UBR3: variants seen among roughly 807,000 people sequenced by gnomAD.
The protein encoded by UBR3 is ubiquitin protein ligase E3 component n-recognin 3.
UBR3 carries 85 observed loss-of-function variants against 243.2 expected under a neutral mutation model. The ratio of observed to expected loss-of-function variants is 0.35; its 90% confidence interval spans 0.29 to 0.42. UBR3 has a LOEUF of 0.42. Among genes scored for constraint, UBR3 ranks in the 10% least tolerant of loss-of-function variants. The probability of loss-of-function intolerance (pLI) is 1.00; values close to 1 mark genes in which losing one functional copy is unlikely to be tolerated. For missense variants in UBR3, 1,686 were observed against 2,300.8 expected, an observed-to-expected ratio of 0.73 and a Z score of 5.47; for synonymous variants, 748 against 799.8, an observed-to-expected ratio of 0.94 and a Z score of 1.09.
At chr2:169,976,856 C>G (rs1238951878) in intron 24 of UBR3, among the ~76,000 whole-genome samples, 1 of 152,090 alleles carries the variant, frequency 6.6e-6, no homozygotes, top group East Asian at 1.9e-4. Context: ...ATTTTTATCT[C>G]TTCTTAATTG....
chr2:169,897,581 C>CTG, intron 8 of UBR3, among the ~76,000 whole-genome samples: 1 of 152,190 alleles, frequency 6.6e-6, no homozygotes, highest in Non-Finnish European at 1.5e-5. Context: ...TTACTGCAAC[C>CTG]TCCGCCTCCT....
At chr2:169,859,360 T>G (rs986615012) in intron 1 of UBR3, among the ~76,000 whole-genome samples, 1 of 152,084 alleles carries the variant, frequency 6.6e-6, no homozygotes, top group African/African-American at 2.4e-5. Context: ...CGTGACACAC[T>G]GCACCTGGCC....
chr2:169,879,085 T>C (rs1219151384), intron 5 of UBR3, among the ~76,000 whole-genome samples: 1 of 151,924 alleles, frequency 6.6e-6, no homozygotes, highest in African/African-American at 2.4e-5. Flanking sequence ...TCAATTTTTA[T>C]AGTGTTTATT....
At chr2:169,956,796 T>A (rs1367126732) in intron 23 of UBR3, among the ~76,000 whole-genome samples, 1 of 152,196 alleles carries the variant, frequency 6.6e-6, no homozygotes, top group Admixed American at 6.5e-5. Context: ...TCTTCTGAAT[T>A]TTGTATGTTA....
chr2:169,874,128 A>G (rs1052731810), intron 2 of UBR3, among the ~76,000 whole-genome samples: 1 of 151,570 alleles, frequency 6.6e-6, no homozygotes, highest in Admixed American at 6.6e-5. Context: ...TTATATTACT[A>G]CTTCTGTTCA....
chr2:169,890,569 A>ATATATATATGTATATATATGTGTG (rs1415148340), intron 5 of UBR3, among the ~76,000 whole-genome samples: 1 of 101,574 alleles, frequency 9.8e-6, no homozygotes, highest in African/African-American at 4.1e-5. Flanking sequence ...ATATATGTGT[A>ATATATATATGTATATATATGTGTG]TATATATATA....
rs79378283 is a variant in UBR3 at position 169,843,028 on chromosome 2, A to G, written c.545+14976A>G. Among the ~76,000 whole-genome samples the G allele has an allele frequency of 6.2e-4, 95 of 152,344 alleles. No individual in the cohort carries two copies. The East Asian group carries it at 0.016, about 26-fold the overall frequency. ...CTTCCTTTTAGCCCTCACTGGAACT[A>G]TCCTTAATGCTTCTTTTATGGCAAT... On this transcript the variant is annotated intron_variant, in intron 1 of 38. Coordinates refer to ENST00000272793, the MANE Select transcript of UBR3 (RefSeq NM_172070.4).
intron 19 of UBR3, among the ~76,000 whole-genome samples, chr2:169,936,736 T>C (rs2086350846): frequency 6.6e-6 from 1 of 152,142 alleles, no homozygotes; most frequent in Non-Finnish European, 1.5e-5. Flanking sequence ...GTGTTTTCAT[T>C]GTTCAATTCC....
At chr2:169,850,978 C>CT (rs2105292727) in intron 1 of UBR3, among the ~76,000 whole-genome samples, 1 of 152,190 alleles carries the variant, frequency 6.6e-6, no homozygotes, top group Non-Finnish European at 1.5e-5. Context: ...TACATTTCTG[C>CT]TTTTCTACTT....
intron 26 of UBR3, among the ~76,000 whole-genome samples, chr2:169,998,775 G>A (rs1315533213): frequency 1.3e-5 from 2 of 152,194 alleles, no homozygotes; most frequent in Admixed American, 6.5e-5. Flanking sequence ...GTGCATTCAC[G>A]GTAGAAACTG....
At chr2:169,916,854 C>G (rs1292322426) in intron 11 of UBR3, among the ~76,000 whole-genome samples, 1 of 152,010 alleles carries the variant, frequency 6.6e-6, no homozygotes, top group Non-Finnish European at 1.5e-5. Context: ...CTATGCTAGG[C>G]CACACCCCCT....
chr2:169,906,757 T>C (rs1043606005), intron 10 of UBR3, among the ~76,000 whole-genome samples: 2 of 152,098 alleles, frequency 1.3e-5, no homozygotes, highest in African/African-American at 4.8e-5. Context: ...AGCCCTGGGT[T>C]CTAGTTTTGA....
At chr2:170,070,316 ACACT>A (rs1404824354) in intron 35 of UBR3, among the ~76,000 whole-genome samples, 4 of 152,200 alleles carry the variant, frequency 2.6e-5, no homozygotes, top group African/African-American at 7.2e-5. Context: ...CATGGTAAAA[ACACT>A]CACAAGGCTA....
chr2:169,974,920 G>C (rs1309598180), intron 24 of UBR3, among the ~76,000 whole-genome samples: 2 of 152,144 alleles, frequency 1.3e-5, no homozygotes, highest in Non-Finnish European at 2.9e-5. Context: ...GGTGGCTCTT[G>C]CCTGTGATCC....
chr2:169,928,804 T>C lies in UBR3; in HGVS notation c.2502T>C (p.Ala834=). ...YSFESVLSAV[A]DFKAPVFEPG... is the part of the protein sequence containing the mutation. ...TTGAATCAGTTTTATCAGCTGTAGC[T>C]GATTTTAAGGCTCCTGTTTTTGAAC... Residue 834 remains alanine (A), a synonymous_variant, in exon 18 of 39, where the codon GCT becomes GCC. Coordinates refer to ENST00000272793, the MANE Select transcript of UBR3 (RefSeq NM_172070.4). 6.6e-7 allele frequency: 1 copy of C among 1,514,428 alleles called. No individual in the cohort carries two copies. Among genetic ancestry groups the C allele is most frequent in the Non-Finnish European group, 8.9e-7 (1 of 1,120,862 alleles). 93.8% of individuals were successfully genotyped at this position (1,514,428 alleles called of 1,614,324 possible).
intron 10 of UBR3, among the ~76,000 whole-genome samples, chr2:169,907,064 G>C (rs2085042744): frequency 7.0e-6 from 1 of 143,490 alleles, no homozygotes; most frequent in African/African-American, 2.6e-5. Context: ...TTTTTAGAGG[G>C]AGTCTCTCTG....
At chr2:169,900,471 T>C (rs572625739) in intron 8 of UBR3, among the ~76,000 whole-genome samples, 2 of 152,358 alleles carry the variant, frequency 1.3e-5, no homozygotes, top group Non-Finnish European at 2.9e-5. Flanking sequence ...TAGTTTCTTT[T>C]GCTGTGCAGA....
chr2:169,929,061 A>G (rs1034889948), intron 18 of UBR3, among the ~76,000 whole-genome samples, 193 bp downstream of exon 18: 2 of 152,336 alleles, frequency 1.3e-5, no homozygotes, highest in East Asian at 3.9e-4. Context: ...CTATAGCTTT[A>G]TGTTACACTA....
At chr2:170,041,013 A>G (rs1457984146) in intron 32 of UBR3, 28 bp downstream of exon 32, 1 of 1,568,266 alleles carries the variant, frequency 6.4e-7, no homozygotes, top group South Asian at 1.1e-5. Flanking sequence ...AGATTCTTTG[A>G]TTATATACTA....
Sources: allele counts gnomAD v4.1 joint callset (sites outside exome capture counted in the v4.1 genomes callset), GRCh38; gene constraint gnomAD v4.1.1; transcripts MANE v1.5; gene names NCBI Gene and HGNC (gene_info 2026-07-23, HGNC 2026-07-21).